Variants in ENTREP2 observed in about 807,000 individuals in gnomAD.
ENTREP2 encodes endosomal transmembrane epsin interactor 2.
At chr15:29,333,830 G>A in the ENTREP2 span, among the ~76,000 whole-genome samples, 315 of 152,126 alleles carry the variant, frequency 2.1e-3, no homozygotes, top group African/African-American at 7.2e-3. Context: ...GACAGTAGGG[G>A]AGGCCCGCGG....
At chr15:29,351,180 C>A in the ENTREP2 span, among the ~76,000 whole-genome samples, 1 of 152,166 alleles carries the variant, frequency 6.6e-6, no homozygotes, top group Non-Finnish European at 1.5e-5. Context: ...GCCTATTGCT[C>A]CTGGGCTACA....
At chr15:29,369,900 C>G in the ENTREP2 span, among the ~76,000 whole-genome samples, 1 of 152,196 alleles carries the variant, frequency 6.6e-6, no homozygotes. Flanking sequence ...AATGAGGTTG[C>G]CTCTCACGTT....
the ENTREP2 span, among the ~76,000 whole-genome samples, chr15:29,439,084 C>T: frequency 6.6e-6 from 1 of 152,214 alleles, no homozygotes; most frequent in South Asian, 2.1e-4. Context: ...AGCATAGAAG[C>T]AATGATACCC....
chr15:29,196,656 T>C, the ENTREP2 span: 3 of 1,410,828 alleles, frequency 2.1e-6, no homozygotes, highest in Non-Finnish European at 2.9e-6. Flanking sequence ...CACAGGAAAA[T>C]GGCTCAGTTC....
the ENTREP2 span, among the ~76,000 whole-genome samples, chr15:29,136,098 C>A: frequency 6.6e-6 from 1 of 152,358 alleles, no homozygotes; most frequent in East Asian, 1.9e-4. Flanking sequence ...GTTCCCCAGG[C>A]CCGGGCTGGC....
the ENTREP2 span, among the ~76,000 whole-genome samples, chr15:29,553,371 A>C: frequency 1.8e-3 from 281 of 152,320 alleles, 2 homozygotes; most frequent in Middle Eastern, 6.8e-3. Context: ...ACTGCAAACC[A>C]ATTAAAATAC....
the ENTREP2 span, among the ~76,000 whole-genome samples, chr15:29,430,984 C>A: frequency 6.6e-6 from 1 of 152,144 alleles, no homozygotes; most frequent in Non-Finnish European, 1.5e-5. Context: ...GCGTAGCTAC[C>A]CAAAGCTGGT....
At chr15:29,128,858 T>G in the ENTREP2 span, 1 of 1,550,042 alleles carries the variant, frequency 6.5e-7, no homozygotes, top group Non-Finnish European at 8.7e-7. Context: ...TGACCTATAC[T>G]TGTAACCTAC....
At chr15:29,368,239 T>G in the ENTREP2 span, among the ~76,000 whole-genome samples, 1 of 151,536 alleles carries the variant, frequency 6.6e-6, no homozygotes, top group East Asian at 2.0e-4. Flanking sequence ...GCACGAGAAC[T>G]GTTTGAACTC....
chr15:29,460,976 T>C, the ENTREP2 span, among the ~76,000 whole-genome samples: 1 of 152,210 alleles, frequency 6.6e-6, no homozygotes, highest in Non-Finnish European at 1.5e-5. Context: ...ACAAAAAGCT[T>C]GTCAAGTTAC....
chr15:29,263,866 T>C, the ENTREP2 span, among the ~76,000 whole-genome samples: 1 of 152,060 alleles, frequency 6.6e-6, no homozygotes, highest in Non-Finnish European at 1.5e-5. Flanking sequence ...AGAGTTAAAG[T>C]CTGAACTCCT....
chr15:29,421,026 AG>A, the ENTREP2 span, among the ~76,000 whole-genome samples: 3 of 152,210 alleles, frequency 2.0e-5, no homozygotes, highest in South Asian at 4.1e-4. Flanking sequence ...GGAATTCCAG[AG>A]ATGGCAGAAA....
the ENTREP2 span, among the ~76,000 whole-genome samples, chr15:29,184,693 T>C: frequency 1.3e-5 from 2 of 152,182 alleles, no homozygotes; most frequent in Admixed American, 1.3e-4. Flanking sequence ...AGGATGCCTA[T>C]GCAGCGAAAC....
the ENTREP2 span, among the ~76,000 whole-genome samples, chr15:29,257,770 A>G: frequency 6.6e-6 from 1 of 152,224 alleles, no homozygotes; most frequent in Non-Finnish European, 1.5e-5. Context: ...TATTTTCCTT[A>G]AAAATGTACA....
chr15:29,605,575 G>A, the ENTREP2 span, among the ~76,000 whole-genome samples: 4 of 152,144 alleles, frequency 2.6e-5, no homozygotes, highest in Non-Finnish European at 4.4e-5. Context: ...GGTAGCACAT[G>A]CCTGTAATCC....
At chr15:29,252,286 C>A in the ENTREP2 span, 1 of 788,636 alleles carries the variant, frequency 1.3e-6, no homozygotes, top group Non-Finnish European at 2.0e-6. Flanking sequence ...CCTAAGAATA[C>A]AGTAAAATTA....
At chr15:29,356,268 G>GTATATATATA in the ENTREP2 span, among the ~76,000 whole-genome samples, 8 of 57,610 alleles carry the variant, frequency 1.4e-4, no homozygotes, top group African/African-American at 4.3e-4. Flanking sequence ...GTGTGTGTGT[G>GTATATATATA]TATATATATA....
chr15:29,562,444 T>C, the ENTREP2 span, among the ~76,000 whole-genome samples: 1 of 152,166 alleles, frequency 6.6e-6, no homozygotes, highest in Non-Finnish European at 1.5e-5. Context: ...AGAAAAAGAC[T>C]AATGATAATT....
the ENTREP2 span, among the ~76,000 whole-genome samples, chr15:29,400,863 T>C: frequency 6.6e-6 from 1 of 152,234 alleles, no homozygotes; most frequent in Admixed American, 6.5e-5. Context: ...CGGAGGCTCC[T>C]GCAGAGTGGG....
Sources: allele counts gnomAD v4.1 joint callset (sites outside exome capture counted in the v4.1 genomes callset), GRCh38; gene constraint gnomAD v4.1.1; transcripts MANE v1.5; gene names NCBI Gene and HGNC (gene_info 2026-07-23, HGNC 2026-07-21).